Variants in SLIT3 observed in about 807,000 individuals in gnomAD.
SLIT3 encodes slit guidance ligand 3, also known as slit homolog 3 protein.
In SLIT3, 68 loss-of-function variants were observed where a neutral mutation model predicts 184.0. The ratio of observed to expected loss-of-function variants is 0.37; its 90% CI spans 0.30 to 0.45. The LOEUF (loss-of-function observed/expected upper bound fraction) is 0.45. SLIT3 is among the 20% of genes least tolerant of loss of function. The pLI is 1.00. For missense variants in SLIT3, 1,707 were observed against 2,026.0 expected (o/e 0.84, Z 3.02); for synonymous variants, 831 against 828.6 (o/e 1.00, Z -0.05).
intron 1 of SLIT3, among the ~76,000 whole-genome samples, chr5:169,288,667 G>A (rs1231577587): frequency 1.3e-5 from 2 of 151,996 alleles, no homozygotes; most frequent in South Asian, 2.1e-4. Context: ...TCAATAAATG[G>A]CCCCTTTAAA....
chr5:168,842,476 T>TTTTTTTTG (rs1561962572), intron 6 of SLIT3, among the ~76,000 whole-genome samples: 2 of 92,800 alleles, frequency 2.2e-5, no homozygotes, highest in Admixed American at 1.2e-4. Context: ...TTCGTTTTTT[T>TTTTTTTTG]TTTTTTTTTT....
intron 4 of SLIT3, among the ~76,000 whole-genome samples, chr5:169,081,796 G>C (rs1759071725): frequency 6.6e-6 from 1 of 152,126 alleles, no homozygotes; most frequent in African/African-American, 2.4e-5. Context: ...ATTTATCCCA[G>C]GCCAGACCCT....
At chr5:168,876,258 G>C (rs1759726229) in intron 5 of SLIT3, among the ~76,000 whole-genome samples, 1 of 152,078 alleles carries the variant, frequency 6.6e-6, no homozygotes, top group South Asian at 2.1e-4. Flanking sequence ...AACTGCACAA[G>C]TCTCCTCTCT....
At chr5:168,926,359 C>CA in intron 4 of SLIT3, among the ~76,000 whole-genome samples, 1 of 152,218 alleles carries the variant, frequency 6.6e-6, no homozygotes, top group African/African-American at 2.4e-5. Flanking sequence ...GGGCTCATTT[C>CA]TCTAAGAGAG....
chr5:168,698,534 G>A (rs1762124114), intron 27 of SLIT3, among the ~76,000 whole-genome samples: 1 of 152,166 alleles, frequency 6.6e-6, no homozygotes, highest in Non-Finnish European at 1.5e-5. Context: ...CTCAGAGGGA[G>A]CATGGCCCTG....
At chr5:168,785,004 T>G (rs1756103416) in intron 12 of SLIT3, among the ~76,000 whole-genome samples, 1 of 152,102 alleles carries the variant, frequency 6.6e-6, no homozygotes, top group Non-Finnish European at 1.5e-5. Flanking sequence ...CCATACCTAT[T>G]CTGCTGTGTG....
chr5:169,295,580 C>T (rs1767476007), intron 1 of SLIT3, among the ~76,000 whole-genome samples: 1 of 152,252 alleles, frequency 6.6e-6, no homozygotes, highest in Non-Finnish European at 1.5e-5. Flanking sequence ...TGTAACAGAG[C>T]TGCAATTCAA....
At chr5:169,240,013 T>C (rs907869815) in intron 3 of SLIT3, among the ~76,000 whole-genome samples, 1 of 152,092 alleles carries the variant, frequency 6.6e-6, no homozygotes, top group African/African-American at 2.4e-5. Flanking sequence ...ATTTCCACTG[T>C]GATATGTTCT....
At chr5:169,202,336 G>A (rs1472225418) in intron 3 of SLIT3, among the ~76,000 whole-genome samples, 1 of 152,072 alleles carries the variant, frequency 6.6e-6, no homozygotes, top group Non-Finnish European at 1.5e-5. Context: ...ACTACTATGA[G>A]CTAAGTGTTG....
chr5:168,748,273 G>A (rs777061819), intron 20 of SLIT3, 29 bp downstream of exon 20: 2 of 1,445,380 alleles, frequency 1.4e-6, no homozygotes, highest in South Asian at 3.1e-5. Flanking sequence ...GAGATGACAG[G>A]GTGCTTGGAG....
intron 1 of SLIT3, among the ~76,000 whole-genome samples, chr5:169,277,771 A>G (rs1038586818): frequency 6.6e-6 from 1 of 152,228 alleles, no homozygotes; most frequent in African/African-American, 2.4e-5. Context: ...TGGGTATATA[A>G]TTAAGACTGG....
At chr5:169,269,710 T>C (rs1446551120) in intron 1 of SLIT3, among the ~76,000 whole-genome samples, 1 of 152,238 alleles carries the variant, frequency 6.6e-6, no homozygotes, top group Non-Finnish European at 1.5e-5. Context: ...ACTGATAAAA[T>C]GCCAAGGGGC....
At chr5:168,711,716 G>C (rs1231635443) in intron 24 of SLIT3, among the ~76,000 whole-genome samples, 1 of 152,176 alleles carries the variant, frequency 6.6e-6, no homozygotes, top group Non-Finnish European at 1.5e-5. Context: ...CCTGATCTGT[G>C]GAAGAGAGGT....
At chr5:169,231,396 G>A (rs751199510) in intron 3 of SLIT3, among the ~76,000 whole-genome samples, 1 of 152,006 alleles carries the variant, frequency 6.6e-6, no homozygotes, top group African/African-American at 2.4e-5. Context: ...ACACCACCTC[G>A]GCTTTTAACA....
chr5:169,269,029 C>CAA (rs1001012343), intron 1 of SLIT3, among the ~76,000 whole-genome samples: 3 of 152,196 alleles, frequency 2.0e-5, no homozygotes, highest in Admixed American at 6.5e-5. Context: ...CACACATCTT[C>CAA]AAAGTATTAT....
chr5:168,772,883 G>A lies in SLIT3; in HGVS notation c.1357C>T (p.Gln453Ter). Residue 453 changes from glutamine (Q) to a stop codon, truncating the protein, a stop_gained, in exon 14 of 36, where the codon CAG becomes TAG. Transcript: ENST00000519560. LOFTEE classifies it high-confidence loss of function. Reference protein sequence around the residue: ...CHLKWLADYLQDNPIETSGAR... With the variant: ...CHLKWLADYL ...CCGCTTGTCTCGATGGGGTTGTCCT[G>A]GAGGTAGTCGGCCAGCCACTTCAAG... 2 of 1,613,660 alleles carry A rather than the reference G, an allele frequency of 1.2e-6. No homozygotes were observed.
At chr5:169,293,191 A>G (rs1297571763) in intron 1 of SLIT3, among the ~76,000 whole-genome samples, 1 of 152,192 alleles carries the variant, frequency 6.6e-6, no homozygotes, top group African/African-American at 2.4e-5. Context: ...GTCATTTGGA[A>G]AAAAGATTAT....
At chr5:168,806,635 G>T in intron 8 of SLIT3, 48 bp from the exon 9 acceptor site, 1 of 1,607,648 alleles carries the variant, frequency 6.2e-7, no homozygotes, top group Non-Finnish European at 8.5e-7. Context: ...GTCAGGAGCT[G>T]CCTGGGCTTC....
At chr5:168,979,387 T>C (rs1754874915) in intron 4 of SLIT3, among the ~76,000 whole-genome samples, 1 of 152,172 alleles carries the variant, frequency 6.6e-6, no homozygotes, top group Non-Finnish European at 1.5e-5. Context: ...TCTCAGTATC[T>C]GTCTTGGCTG....
Sources: allele counts gnomAD v4.1 joint callset (sites outside exome capture counted in the v4.1 genomes callset), GRCh38; gene constraint gnomAD v4.1.1; transcripts MANE v1.5; gene names NCBI Gene and HGNC (gene_info 2026-07-23, HGNC 2026-07-21).